ZPBP: variants seen among roughly 807,000 people sequenced by gnomAD.
The protein encoded by ZPBP is zona pellucida binding protein, also known as zona pellucida-binding protein 1.
In ZPBP, 26 loss-of-function variants were observed where a neutral mutation model predicts 44.8. The observed-to-expected ratio is 0.58, with a 90% CI of 0.43 to 0.81. The LOEUF (loss-of-function observed/expected upper bound fraction) is 0.81, where lower values mean the gene tolerates loss of function less well. Ranked by LOEUF, ZPBP falls within the 30% of genes least tolerant of loss-of-function variation. The probability of loss-of-function intolerance (pLI) is 0.00; values close to 1 mark genes in which losing one functional copy is unlikely to be tolerated. For missense variants in ZPBP, 409 were observed against 434.0 expected, an observed-to-expected ratio of 0.94 and a Z score of 0.51; for synonymous variants, 174 against 153.2, an observed-to-expected ratio of 1.14 and a Z score of -1.00.
intron 3 of ZPBP, among the ~76,000 whole-genome samples, chr7:50,074,504 G>A (rs994703059): frequency 6.6e-6 from 1 of 151,774 alleles, no homozygotes; most frequent in Non-Finnish European, 1.5e-5. Context: ...AAGACCCTCT[G>A]ATCTACTGCC....
intron 5 of ZPBP, among the ~76,000 whole-genome samples, chr7:50,020,416 A>G (rs181362308): frequency 6.6e-6 from 1 of 152,202 alleles, no homozygotes. Context: ...TACACAAAAG[A>G]TTGCTAAAGT....
chr7:49,984,687 T>C (rs1000396953), intron 6 of ZPBP, among the ~76,000 whole-genome samples: 10 of 152,154 alleles, frequency 6.6e-5, no homozygotes, highest in Non-Finnish European at 1.5e-4. Context: ...CTACTCTCCT[T>C]CTGCTGTGTG....
intron 6 of ZPBP, 132 bp downstream of exon 6, chr7:50,018,108 G>T (rs1798904365): frequency 1.5e-6 from 1 of 676,384 alleles, no homozygotes; most frequent in Non-Finnish European, 2.5e-6. Context: ...AGTGGGTAAA[G>T]TTTTATTTTT....
downstream of ZPBP, among the ~76,000 whole-genome samples, chr7:49,933,815 C>T (rs1314502925): frequency 6.7e-6 from 1 of 149,786 alleles, no homozygotes; most frequent in Non-Finnish European, 1.5e-5. Flanking sequence ...AAAAACCAAA[C>T]ACTGTATGTT....
chr7:50,044,280 C>A (rs2128819793), intron 4 of ZPBP, among the ~76,000 whole-genome samples: 1 of 152,178 alleles, frequency 6.6e-6, no homozygotes, highest in East Asian at 1.9e-4. Flanking sequence ...CAAACAAATT[C>A]AAAAGCCAGC....
At chr7:49,871,951 ACACAC>A (rs1219198398) in intron 2 of ZPBP, among the ~76,000 whole-genome samples, 1 of 112,230 alleles carries the variant, frequency 8.9e-6, no homozygotes, top group Non-Finnish European at 2.0e-5. Flanking sequence ...ACACACACAC[ACACAC>A]ACCGAGAAAG....
chr7:49,869,395 G>T (rs2128722728), intron 2 of ZPBP, among the ~76,000 whole-genome samples: 1 of 152,152 alleles, frequency 6.6e-6, no homozygotes, highest in Non-Finnish European at 1.5e-5. Flanking sequence ...GGGGAGGAAG[G>T]ACTATTTCAA....
At chr7:50,002,162 A>T (rs1396480003) in intron 6 of ZPBP, among the ~76,000 whole-genome samples, 1 of 152,162 alleles carries the variant, frequency 6.6e-6, no homozygotes, top group Non-Finnish European at 1.5e-5. Flanking sequence ...GGGGCCTCAC[A>T]ATCATGGTGG....
chr7:49,996,368 C>T (rs1315259510), intron 6 of ZPBP, among the ~76,000 whole-genome samples: 1 of 152,028 alleles, frequency 6.6e-6, no homozygotes, highest in African/African-American at 2.4e-5. Flanking sequence ...AACTAAAACT[C>T]TACTGACTAC....
intron 1 of ZPBP, among the ~76,000 whole-genome samples, chr7:49,932,164 C>A (rs957112008): frequency 1.3e-5 from 2 of 152,196 alleles, no homozygotes; most frequent in African/African-American, 4.8e-5. Flanking sequence ...AGGTGGGAGC[C>A]CCCACATGGA....
intron 6 of ZPBP, among the ~76,000 whole-genome samples, chr7:50,010,867 G>T (rs1328982764): frequency 1.1e-5 from 1 of 92,472 alleles, no homozygotes; most frequent in East Asian, 3.5e-4. Context: ...AATTTATATG[G>T]AACCAATATA....
At chr7:49,849,757 GCTCT>G (rs567623115), downstream of ZPBP, among the ~76,000 whole-genome samples, 1 of 152,196 alleles carries the variant, frequency 6.6e-6, no homozygotes, top group Non-Finnish European at 1.5e-5. Flanking sequence ...CACTTATTCT[GCTCT>G]CTGAGAGTCT....
At chr7:50,017,495 T>C (rs746166261) in intron 6 of ZPBP, among the ~76,000 whole-genome samples, 1 of 151,952 alleles carries the variant, frequency 6.6e-6, no homozygotes, top group Non-Finnish European at 1.5e-5. Context: ...GGCCAAGGAG[T>C]TGGGGATGCC....
intron 7 of ZPBP, among the ~76,000 whole-genome samples, chr7:49,980,308 T>C (rs1213564523): frequency 1.2e-5 from 1 of 82,448 alleles, no homozygotes; most frequent in African/African-American, 6.4e-5. Context: ...ATATATATAA[T>C]ATAAATATAT....
intron 1 of ZPBP, 184 bp downstream of exon 1, chr7:50,092,881 ACTC>A: frequency 1.2e-6 from 1 of 839,424 alleles, no homozygotes; most frequent in South Asian, 2.1e-5. Context: ...CCTGTCATTC[ACTC>A]CTCTATGCAA....
chr7:49,966,180 C>T (rs528820245), intron 7 of ZPBP, among the ~76,000 whole-genome samples: 1 of 152,090 alleles, frequency 6.6e-6, no homozygotes, highest in East Asian at 1.9e-4. Context: ...TAGTCAGAAA[C>T]ATAAATACCC....
At chr7:49,956,474 C>G (rs1020045374) in intron 7 of ZPBP, among the ~76,000 whole-genome samples, 1 of 151,998 alleles carries the variant, frequency 6.6e-6, no homozygotes, top group Non-Finnish European at 1.5e-5. Flanking sequence ...CGAACAAAAA[C>G]TATTATGTTT....
intron 2 of ZPBP, among the ~76,000 whole-genome samples, chr7:49,875,741 G>A (rs1326441298): frequency 6.6e-6 from 1 of 152,056 alleles, no homozygotes; most frequent in Non-Finnish European, 1.5e-5. Flanking sequence ...TTGTTTAACA[G>A]GCTGTATATT....
intron 1 of ZPBP, chr7:49,916,839 C>T (rs145947746): frequency 6.6e-6 from 1 of 152,168 alleles, no homozygotes; most frequent in Non-Finnish European, 1.5e-5. Context: ...AGAGACACAT[C>T]AAATACCCCA....
Sources: gnomAD v4.1 joint callset for allele counts (sites outside exome capture counted in the v4.1 genomes callset) on GRCh38, gnomAD v4.1.1 for gene constraint, MANE v1.5 for transcripts, NCBI Gene and HGNC (gene_info 2026-07-23, HGNC 2026-07-21) for gene names.